The following CPNE2 variants were observed in gnomAD, a reference collection of about 807,000 sequenced individuals.
CPNE2 encodes copine-2.
A neutral mutation model predicts 69.7 loss-of-function variants in CPNE2; 42 were observed. That is an observed-to-expected ratio of 0.60 (90% CI 0.47 to 0.78). CPNE2 has a LOEUF of 0.78. Ranked by LOEUF, CPNE2 falls within the 30% of genes least tolerant of loss-of-function variation. The pLI is 0.00. For synonymous variants in CPNE2, 294 were observed against 289.8 expected (o/e 1.01, Z -0.15); for missense variants, 587 against 732.0 (o/e 0.80, Z 2.29).
intron 14 of CPNE2, among the ~76,000 whole-genome samples, chr16:57,140,386 T>C (rs544719467): frequency 6.6e-6 from 1 of 151,994 alleles, no homozygotes; most frequent in East Asian, 1.9e-4. Flanking sequence ...TGGCCAGGCC[T>C]GTCTCAAACC....
Position 57,137,196 on chromosome 16 carries a change from C to A in CPNE2, c.1216C>A (p.Arg406Ser), listed in dbSNP as rs774512899. The change falls in exon 14 of 16, where the codon CGC becomes AGC. Residue 406 changes from arginine to serine, a missense_variant. Transcript: ENST00000290776. ...GTACTCAGCTTGCCTGCCCCACATC[C>A]GCTTCTACGGTCCTACCAATTTCTC... ...QAYSACLPHI[R>S]FYGPTNFSPI... The A allele has an allele frequency of 6.2e-7, 1 of 1,614,236 alleles. No homozygotes were observed. Among genetic ancestry groups the A allele is most frequent in the Non-Finnish European group, 8.5e-7 (1 of 1,180,036 alleles).
chr16:57,119,518 C>A, intron 6 of CPNE2, 43 bp from the exon 7 acceptor site: 1 of 1,538,398 alleles, frequency 6.5e-7, no homozygotes, highest in Non-Finnish European at 8.9e-7. Context: ...CAGAGCACTG[C>A]TGCCCAGGGC....
At chr16:57,121,566 C>G (rs143251264) in intron 8 of CPNE2, 108 bp from the exon 9 acceptor site, 9 of 1,073,216 alleles carry the variant, frequency 8.4e-6, no homozygotes, top group Admixed American at 2.0e-5. Flanking sequence ...CTGGAGGAAG[C>G]ATGCTGCCCC....
At chr16:57,119,671 CTGCTCCCCA>C in intron 7 of CPNE2, 21 bp downstream of exon 7, 1 of 1,546,980 alleles carries the variant, frequency 6.5e-7, no homozygotes, top group Non-Finnish European at 8.8e-7. Flanking sequence ...TCTGGGGACC[CTGCTCCCCA>C]CCTTGCCAGC....
chr16:57,096,413 C>T (rs532408021), intron 1 of CPNE2, among the ~76,000 whole-genome samples: 4 of 152,150 alleles, frequency 2.6e-5, no homozygotes, highest in South Asian at 2.1e-4. Context: ...ATGGGAGAGC[C>T]GGGCGTGGTG....
intron 14 of CPNE2, among the ~76,000 whole-genome samples, chr16:57,138,193 C>T (rs1405667665): frequency 6.6e-6 from 1 of 152,162 alleles, no homozygotes; most frequent in Non-Finnish European, 1.5e-5. Flanking sequence ...CCTGGGAGAC[C>T]TCGGCCAGCC....
Position 57,147,653 on chromosome 16 carries a change from G to T in CPNE2, c.1642G>T (p.Ala548Ser). Residue 548 changes from alanine (A) to serine (S), a missense_variant, in exon 16 of 16, where the codon GCC becomes TCC. Physicochemically the swap from Ala to Ser is moderately conservative, Grantham distance 99 (BLOSUM62 1). Coordinates refer to ENST00000290776, the MANE Select transcript of CPNE2 (RefSeq NM_152727.6). ...KNLPPTNSEP[A>S] ...CCTGCCCCCCACCAACTCGGAGCCCGCCTGAGCTCCAGTGCCCAGCAGCAG... is the reference window on the plus strand; with the variant it reads ...CCTGCCCCCCACCAACTCGGAGCCCTCCTGAGCTCCAGTGCCCAGCAGCAG... 1 of 1,597,580 alleles carries T rather than the reference G, an allele frequency of 6.3e-7. No individual in the cohort carries two copies.
Position 57,110,902 on chromosome 16 carries a change from A to T in CPNE2, c.160A>T (p.Asn54Tyr). 6.2e-7 allele frequency: 1 copy of T among 1,611,958 alleles called. No individual in the cohort carries two copies. Among genetic ancestry groups the T allele is most frequent in the Non-Finnish European group, 8.5e-7 (1 of 1,178,918 alleles). ...CCCCTTCTGTGTCCTCTTTACAGAGAACAATGGCAGATGGATCGAGGTGAG... is the reference window on the plus strand; with the variant it reads ...CCCCTTCTGTGTCCTCTTTACAGAGTACAATGGCAGATGGATCGAGGTGAG... ...SDPFCVLFTE[N>Y]NGRWIEYDRT... is the part of the protein sequence containing the mutation. The change falls in exon 2 of 16, where the codon AAC (asparagine) becomes TAC (tyrosine). Residue 54 changes from asparagine (N) to tyrosine (Y), a missense_variant. Physicochemically the swap from Asn to Tyr is moderately radical, Grantham distance 143. Around this residue, in one of 5 missense-constraint regions of CPNE2, gnomAD observed 96 missense variants for 94.9 expected, o/e 1.01. Transcript: ENST00000290776.
At chr16:57,140,168 A>G (rs759646785) in intron 14 of CPNE2, among the ~76,000 whole-genome samples, 1 of 151,654 alleles carries the variant, frequency 6.6e-6, no homozygotes, top group Admixed American at 6.6e-5. Flanking sequence ...CTCTAAACCC[A>G]TTTCCTCTTT....
At chr16:57,141,986 TC>T (rs1177492720) in intron 14 of CPNE2, 2 of 152,194 alleles carry the variant, frequency 1.3e-5, no homozygotes, top group African/African-American at 4.8e-5. Flanking sequence ...ACCCTCCCCA[TC>T]CCCAGACATA....
intron 1 of CPNE2, among the ~76,000 whole-genome samples, chr16:57,096,434 G>A (rs1455305905): frequency 3.3e-5 from 5 of 152,164 alleles, no homozygotes; most frequent in African/African-American, 1.2e-4. Flanking sequence ...GCTCACACCT[G>A]TAATCCCAGT....
At chr16:57,126,567 A>G (rs556442550) in intron 11 of CPNE2, among the ~76,000 whole-genome samples, 1 of 152,326 alleles carries the variant, frequency 6.6e-6, no homozygotes, top group East Asian at 1.9e-4. Context: ...GTGGCTACCA[A>G]CAGGATATGA....
At chr16:57,109,311 A>G (rs1453472179) in intron 1 of CPNE2, among the ~76,000 whole-genome samples, 1 of 146,446 alleles carries the variant, frequency 6.8e-6, no homozygotes, top group African/African-American at 2.5e-5. Context: ...CCTCGTCTCT[A>G]CTAAAAATAC....
intron 13 of CPNE2, among the ~76,000 whole-genome samples, chr16:57,135,927 C>A (rs1490785576): frequency 1.9e-5 from 2 of 105,864 alleles, no homozygotes; most frequent in Admixed American, 1.3e-4. Flanking sequence ...AAGAGAGAGA[C>A]AGAGAGAAAG....
At chr16:57,107,943 T>G (rs1195046099) in intron 1 of CPNE2, among the ~76,000 whole-genome samples, 1 of 147,602 alleles carries the variant, frequency 6.8e-6, no homozygotes, top group East Asian at 2.0e-4. Context: ...CGATCTCAGC[T>G]CACAGCAATC....
At chr16:57,105,264 GA>G (rs1314266230) in intron 1 of CPNE2, among the ~76,000 whole-genome samples, 2 of 152,116 alleles carry the variant, frequency 1.3e-5, no homozygotes, top group Admixed American at 1.3e-4. Context: ...TATAGGAGGT[GA>G]AGATAAAAGG....
intron 14 of CPNE2, chr16:57,141,989 C>T (rs1473768694): frequency 6.6e-6 from 1 of 152,200 alleles, no homozygotes; most frequent in African/African-American, 2.4e-5. Flanking sequence ...CTCCCCATCC[C>T]CAGACATATG....
intron 1 of CPNE2, among the ~76,000 whole-genome samples, chr16:57,099,956 G>A (rs1418661735): frequency 2.0e-5 from 3 of 152,008 alleles, no homozygotes; most frequent in Non-Finnish European, 4.4e-5. Context: ...TGTATTTTTA[G>A]TAGAGATGGG....
chr16:57,135,284 G>A lies in CPNE2; in HGVS notation c.1168+458G>A, dbSNP rs1045756659. 2.0e-5 allele frequency among the ~76,000 whole-genome samples: 3 copies of A among 152,154 alleles called. No individual in the cohort carries two copies. The East Asian group carries it at 5.8e-4, about 29-fold the overall frequency. ...TGGGAGTACTTGGCGGGGGATCAGG[G>A]GGAGGCAGGGGCTGGGAAGTGAGTA... On this transcript the variant is annotated intron_variant, in intron 13 of 15. Transcript: ENST00000290776.
Sources: allele counts gnomAD v4.1 joint callset (sites outside exome capture counted in the v4.1 genomes callset), GRCh38; gene constraint gnomAD v4.1.1; regional missense constraint gnomAD v4.1.1; transcripts MANE v1.5; gene names NCBI Gene and HGNC (gene_info 2026-07-23, HGNC 2026-07-21).